The following CSMD1 variants were observed in gnomAD, a reference collection of about 807,000 sequenced individuals.
CSMD1 encodes the protein CUB and Sushi multiple domains 1.
CSMD1 carries 213 observed loss-of-function variants against 417.5 expected under a neutral mutation model. The ratio of observed to expected loss-of-function variants is 0.51; its 90% CI spans 0.46 to 0.57. The LOEUF is 0.57. Among genes scored for constraint, CSMD1 ranks in the 20% least tolerant of loss-of-function variants. CSMD1 has a pLI of 0.00. For missense variants in CSMD1, 6,923 were observed against 4,529.7 expected (o/e 1.53, Z -15.17); for synonymous variants, 2,862 against 1,736.8 (o/e 1.65, Z -16.11).
intron 3 of CSMD1, among the ~76,000 whole-genome samples, chr8:4,366,874 T>C (rs544678420): frequency 1.8e-4 from 27 of 152,242 alleles, no homozygotes; most frequent in Non-Finnish European, 2.9e-4. Flanking sequence ...TTCATGTCCT[T>C]GCCCATTTTT....
chr8:2,977,878 C>A (rs1347852750), intron 55 of CSMD1, among the ~76,000 whole-genome samples: 1 of 152,128 alleles, frequency 6.6e-6, no homozygotes, highest in Non-Finnish European at 1.5e-5. Context: ...CAATGAGATA[C>A]CATCTCATGC....
intron 23 of CSMD1, among the ~76,000 whole-genome samples, chr8:3,314,736 G>C (rs936134474): frequency 2.0e-5 from 3 of 152,150 alleles, no homozygotes; most frequent in African/African-American, 7.2e-5. Flanking sequence ...ATATTCTTAA[G>C]AATTAAATCC....
chr8:3,264,430 T>C (rs905845608), intron 26 of CSMD1, among the ~76,000 whole-genome samples: 1 of 152,120 alleles, frequency 6.6e-6, no homozygotes, highest in Non-Finnish European at 1.5e-5. Flanking sequence ...GCCACACAAG[T>C]GTCAGGAGAA....
intron 3 of CSMD1, among the ~76,000 whole-genome samples, chr8:4,418,983 G>C (rs917630707): frequency 5.3e-5 from 8 of 152,252 alleles, no homozygotes; most frequent in Admixed American, 5.2e-4. Flanking sequence ...CTTCTACACT[G>C]TAATTTTCTG....
At chr8:4,716,723 A>C (rs2116888317) in intron 1 of CSMD1, among the ~76,000 whole-genome samples, 1 of 152,344 alleles carries the variant, frequency 6.6e-6, no homozygotes, top group African/African-American at 2.4e-5. Context: ...TTAATTTTGT[A>C]GTCTTGTGAG....
At chr8:4,422,140 C>G (rs560550195) in intron 2 of CSMD1, among the ~76,000 whole-genome samples, 1 of 152,096 alleles carries the variant, frequency 6.6e-6, no homozygotes, top group African/African-American at 2.4e-5. Context: ...AAAACTTTCC[C>G]CAAATTTCCA....
rs966879856 is a variant in CSMD1 at position 3,844,313 on chromosome 8, G to A, written c.819-90271C>T. 3.3e-5 allele frequency among the ~76,000 whole-genome samples: 5 copies of A among 152,062 alleles called. No homozygotes were observed. The East Asian group carries it at 5.8e-4, about 18-fold the overall frequency. On this transcript the variant is annotated intron_variant, in intron 5 of 69. Transcript: ENST00000635120. ...AAGGAAAATTAATAACAGCATTGGT[G>A]GATCAATTTCAAGTCAATGACAATA...
chr8:4,260,366 G>C (rs1803793033), intron 3 of CSMD1, among the ~76,000 whole-genome samples: 1 of 152,056 alleles, frequency 6.6e-6, no homozygotes, highest in South Asian at 2.1e-4. Flanking sequence ...TTGATTTGTA[G>C]GAGTTATTTG....
At chr8:4,981,387 A>C (rs1810880494) in intron 1 of CSMD1, among the ~76,000 whole-genome samples, 2 of 152,162 alleles carry the variant, frequency 1.3e-5, no homozygotes, top group Admixed American at 6.5e-5. Context: ...GATAGGACCG[A>C]ATTATCCCCT....
intron 1 of CSMD1, among the ~76,000 whole-genome samples, chr8:4,847,094 G>A (rs1298841237): frequency 6.6e-6 from 1 of 152,094 alleles, no homozygotes; most frequent in African/African-American, 2.4e-5. Context: ...CGCTCTGCTC[G>A]TGTATCAAGC....
At chr8:3,533,133 T>G (rs1198025173) in intron 10 of CSMD1, among the ~76,000 whole-genome samples, 1 of 152,182 alleles carries the variant, frequency 6.6e-6, no homozygotes, top group Non-Finnish European at 1.5e-5. Flanking sequence ...AAGGACTTAT[T>G]TTTGCAGAGG....
intron 10 of CSMD1, among the ~76,000 whole-genome samples, chr8:3,544,678 C>T (rs578051179): frequency 1.3e-5 from 2 of 152,220 alleles, no homozygotes; most frequent in Admixed American, 1.3e-4. Context: ...TTGCCTGGAG[C>T]TATTCAGTGG....
intron 51 of CSMD1, among the ~76,000 whole-genome samples, chr8:3,023,336 AT>A (rs796438075): frequency 2.6e-5 from 4 of 152,046 alleles, no homozygotes; most frequent in African/African-American, 9.6e-5. Flanking sequence ...TGCAAAAATT[AT>A]TTTTTCTGGT....
At chr8:3,340,158 TC>T (rs1237171533) in intron 23 of CSMD1, among the ~76,000 whole-genome samples, 2 of 152,184 alleles carry the variant, frequency 1.3e-5, no homozygotes, top group East Asian at 3.9e-4. Context: ...ATTCTGGTAT[TC>T]AGTTAGAAGG....
rs901178513 is a variant in CSMD1 at position 3,199,871 on chromosome 8, T to G, written c.5099-62A>C. 5.1e-5 allele frequency: 50 copies of G among 978,508 alleles called. No individual in the cohort carries two copies. The African/African-American group carries it at 6.9e-4, about 13-fold the overall frequency. The allele number at this position is 978,508 out of a possible 1,614,324, so 60.6% of individuals were successfully genotyped here. A position where few individuals can be genotyped will look rare whatever the true frequency, so the allele number is the denominator to read the frequency against. On this transcript the variant is annotated intron_variant, in intron 32 of 69. Coordinates refer to ENST00000635120, the MANE Select transcript of CSMD1 (RefSeq NM_033225.6). Reference sequence around the variant, plus strand: ...CAGCACCGTGGGGGACGGTAGTATTTTGGAAAATGGTGATAAAGTTGAAAT... The same window carrying G: ...CAGCACCGTGGGGGACGGTAGTATTGTGGAAAATGGTGATAAAGTTGAAAT...
chr8:3,994,361 G>A (rs966914690), intron 5 of CSMD1, among the ~76,000 whole-genome samples: 61 of 150,042 alleles, frequency 4.1e-4, no homozygotes, highest in African/African-American at 1.4e-3. Flanking sequence ...AAACCATAGA[G>A]GGAGAACTCA....
At chr8:4,350,324 C>A (rs1201648120) in intron 3 of CSMD1, among the ~76,000 whole-genome samples, 3 of 152,176 alleles carry the variant, frequency 2.0e-5, no homozygotes, top group Non-Finnish European at 4.4e-5. Flanking sequence ...CAGGCTGACA[C>A]ACCTGAGGGG....
chr8:4,098,598 T>C (rs1191805199), intron 3 of CSMD1, among the ~76,000 whole-genome samples: 1 of 152,120 alleles, frequency 6.6e-6, no homozygotes, highest in East Asian at 1.9e-4. Context: ...ACACCCTCTC[T>C]AAGGTTCAAA....
At chr8:4,304,505 T>A (rs1342631921) in intron 3 of CSMD1, among the ~76,000 whole-genome samples, 1 of 152,170 alleles carries the variant, frequency 6.6e-6, no homozygotes, top group African/African-American at 2.4e-5. Context: ...ACGTAAGCCT[T>A]ACTGTTTCAG....
Sources: gnomAD v4.1 joint callset for allele counts (sites outside exome capture counted in the v4.1 genomes callset) on GRCh38, gnomAD v4.1.1 for gene constraint, MANE v1.5 for transcripts, NCBI Gene and HGNC (gene_info 2026-07-23, HGNC 2026-07-21) for gene names.